The following GTF2E1 variants were observed in gnomAD, a reference collection of about 807,000 sequenced individuals.
The protein encoded by GTF2E1 is general transcription factor IIE subunit 1.
In GTF2E1, 14 loss-of-function variants were observed where a neutral mutation model predicts 34.9. That is an observed-to-expected ratio of 0.40 (90% CI 0.27 to 0.63). GTF2E1 has a LOEUF of 0.63. Among genes scored for constraint, GTF2E1 ranks in the 20% least tolerant of loss-of-function variants. The probability of loss-of-function intolerance (pLI) is 0.39; values close to 1 mark genes in which losing one functional copy is unlikely to be tolerated. For synonymous variants in GTF2E1, 188 were observed against 192.9 expected (o/e 0.97, Z 0.21); for missense variants, 469 against 557.7 (o/e 0.84, Z 1.60).
At chr3:120,775,697 T>G (rs1006319606) in intron 3 of GTF2E1, among the ~76,000 whole-genome samples, 3 of 152,022 alleles carry the variant, frequency 2.0e-5, no homozygotes, top group Non-Finnish European at 2.9e-5. Context: ...AAGAAGATCG[T>G]GGGTGGTAAA....
rs1362491250 is a variant in GTF2E1 at position 120,781,522 on chromosome 3, T to G, written c.*52T>G. ...CTAATGCTCAGTTCAAAAAGGAATGTCTCATCTTTGAAGAAAAGTATTTAA... is the reference window on the plus strand; with the variant it reads ...CTAATGCTCAGTTCAAAAAGGAATGGCTCATCTTTGAAGAAAAGTATTTAA... On this transcript the variant is annotated 3_prime_UTR_variant, in exon 5 of 5. Coordinates refer to ENST00000283875, the MANE Select transcript of GTF2E1 (RefSeq NM_005513.3). The G allele has an allele frequency of 7.1e-7, 1 of 1,409,068 alleles. No homozygotes were observed. Among genetic ancestry groups the G allele is most frequent in the Non-Finnish European group, 9.9e-7 (1 of 1,008,586 alleles). The allele number at this position is 1,409,068 out of a possible 1,614,324, so 87.3% of individuals were successfully genotyped here.
Position 120,742,814 on chromosome 3 carries a change from C to T in GTF2E1, c.-31+20C>T, listed in dbSNP as rs765529773. On this transcript the variant is annotated intron_variant, in intron 1 of 4. Transcript: ENST00000283875. ...GCCTTGGTAAACCTTGTTCCCTGTT[C>T]CTTGTTCGGAGTTCCCTGGCCGGGC... 7.9e-4 allele frequency: 342 copies of T among 430,656 alleles called. No individual in the cohort carries two copies. The highest frequency in any genetic ancestry group is 2.2e-4 in the Non-Finnish European group (51 of 234,386). The allele number at this position is 430,656 out of a possible 1,614,324, so 26.7% of individuals were successfully genotyped here.
chr3:120,746,988 A>G (rs188417397), intron 1 of GTF2E1, among the ~76,000 whole-genome samples: 24 of 152,322 alleles, frequency 1.6e-4, no homozygotes, highest in African/African-American at 5.8e-4. Flanking sequence ...CTTACTTCTT[A>G]GCGAGTAAAA....
At chr3:120,754,998 A>G (rs948361413) in intron 2 of GTF2E1, among the ~76,000 whole-genome samples, 2 of 152,122 alleles carry the variant, frequency 1.3e-5, no homozygotes, top group African/African-American at 4.8e-5. Flanking sequence ...TAGATTTACT[A>G]TTAAGGGAGA....
chr3:120,749,152 G>C (rs1043152513), intron 1 of GTF2E1, among the ~76,000 whole-genome samples: 32 of 152,038 alleles, frequency 2.1e-4, no homozygotes, highest in African/African-American at 7.2e-4. Context: ...GGAGATTTTG[G>C]GCTGAGACAA....
chr3:120,759,303 A>G (rs1709236838), intron 2 of GTF2E1, among the ~76,000 whole-genome samples: 1 of 151,896 alleles, frequency 6.6e-6, no homozygotes, highest in Non-Finnish European at 1.5e-5. Context: ...TTTTTCTTGT[A>G]AATTTGTTGA....
chr3:120,764,671 A>G (rs1028138000), intron 2 of GTF2E1, among the ~76,000 whole-genome samples: 3 of 152,180 alleles, frequency 2.0e-5, no homozygotes, highest in Admixed American at 2.0e-4. Flanking sequence ...TTGACTAATA[A>G]TGTCTTCTGC....
Position 120,776,688 on chromosome 3 carries a change from G to C in GTF2E1, c.892+24G>C, listed in dbSNP as rs758895640. ...AGGTAAGAGTAGAAGTCAGTAAAAT[G>C]GATGTGTCTTAGGTTCTGTAGAACA... On this transcript the variant is annotated intron_variant, in intron 4 of 4. Coordinates refer to ENST00000283875, the MANE Select transcript of GTF2E1 (RefSeq NM_005513.3). The C allele has an allele frequency of 3.1e-6, 5 of 1,602,256 alleles. No individual in the cohort carries two copies. The Admixed American group carries it at 6.7e-5, about 21-fold the overall frequency.
chr3:120,780,878 G>T (rs73183726), intron 4 of GTF2E1, among the ~76,000 whole-genome samples, 165 bp from the exon 5 acceptor site: 30,466 of 152,150 alleles, frequency 0.2, 3,551 homozygotes, highest in East Asian at 0.36. Flanking sequence ...GCTCCAGTTT[G>T]TAAGAAATAT....
At chr3:120,765,729 T>C (rs1397203794) in intron 2 of GTF2E1, among the ~76,000 whole-genome samples, 1 of 152,252 alleles carries the variant, frequency 6.6e-6, no homozygotes, top group Non-Finnish European at 1.5e-5. Context: ...TTGCTTCTGA[T>C]GAATATATAG....
At chr3:120,750,125 C>G (rs144719163) in intron 1 of GTF2E1, among the ~76,000 whole-genome samples, 1 of 152,112 alleles carries the variant, frequency 6.6e-6, no homozygotes, top group African/African-American at 2.4e-5. Flanking sequence ...AAATTTTACT[C>G]AAGAAAGGAA....
chr3:120,745,895 C>CTAA (rs1576354464), intron 1 of GTF2E1, among the ~76,000 whole-genome samples: 2 of 152,162 alleles, frequency 1.3e-5, no homozygotes, highest in East Asian at 3.9e-4. Flanking sequence ...TCCCAGGCAT[C>CTAA]CTTAAGCCCT....
chr3:120,746,722 C>A (rs1709108547), intron 1 of GTF2E1, among the ~76,000 whole-genome samples: 1 of 152,098 alleles, frequency 6.6e-6, no homozygotes, highest in African/African-American at 2.4e-5. Context: ...TTGCTTGAGC[C>A]CAGGAGGTTG....
chr3:120,743,405 AG>A (rs1709075487), intron 1 of GTF2E1, among the ~76,000 whole-genome samples: 1 of 152,342 alleles, frequency 6.6e-6, no homozygotes, highest in South Asian at 2.1e-4. Flanking sequence ...CTTGGAAACA[AG>A]AGTGGAGGAA....
In GTF2E1 at chr3:120,782,433, A is replaced by G. The variant is rs2107615275; in HGVS notation, c.*963A>G. ...TGGTTTGGATTTAGGATGATAGAAA[A>G]CAGAAGTATAATTGGTAAACCCTTA... On this transcript the variant is annotated 3_prime_UTR_variant, in exon 5 of 5. Coordinates refer to ENST00000283875, the MANE Select transcript of GTF2E1 (RefSeq NM_005513.3). The G allele has an allele frequency of 6.6e-6, 1 of 152,332 alleles. No individual in the cohort carries two copies. Among genetic ancestry groups the G allele is most frequent in the Non-Finnish European group, 1.5e-5 (1 of 68,044 alleles). The allele number at this position is 152,332 out of a possible 1,614,324, so 9.4% of individuals were successfully genotyped here. A position where few individuals can be genotyped will look rare whatever the true frequency, so the allele number is the denominator to read the frequency against.
intron 1 of GTF2E1, among the ~76,000 whole-genome samples, chr3:120,745,940 G>A (rs1212717489): frequency 6.6e-6 from 1 of 152,128 alleles, no homozygotes; most frequent in African/African-American, 2.4e-5. Context: ...CACAGATTTG[G>A]ATCTAGGTGC....
At chr3:120,772,008 A>G (rs1407220957) in intron 3 of GTF2E1, among the ~76,000 whole-genome samples, 1 of 152,128 alleles carries the variant, frequency 6.6e-6, no homozygotes. Flanking sequence ...AGGGATCTAG[A>G]TTTGTTCCAT....
At chr3:120,769,138 A>G (rs1709331675) in intron 2 of GTF2E1, among the ~76,000 whole-genome samples, 1 of 151,732 alleles carries the variant, frequency 6.6e-6, no homozygotes. Flanking sequence ...AGCATTTGTA[A>G]TTAGTTGGCT....
intron 3 of GTF2E1, 114 bp from the exon 4 acceptor site, chr3:120,776,309 C>A: frequency 1.1e-6 from 1 of 895,230 alleles, no homozygotes; most frequent in Non-Finnish European, 1.7e-6. Context: ...TGCATGATTG[C>A]TAGGTAGCAT....
Sources: gnomAD v4.1 joint callset for allele counts (sites outside exome capture counted in the v4.1 genomes callset) on GRCh38, gnomAD v4.1.1 for gene constraint, MANE v1.5 for transcripts, NCBI Gene and HGNC (gene_info 2026-07-23, HGNC 2026-07-21) for gene names.